Variants in ADGRD1 observed in about 807,000 individuals in gnomAD.
The protein encoded by ADGRD1 is adhesion G protein-coupled receptor D1.
Under a neutral mutation model 113.4 loss-of-function variants are expected in ADGRD1, and 77 were observed. The ratio of observed to expected loss-of-function variants is 0.68; its 90% CI spans 0.57 to 0.82. ADGRD1 has a LOEUF of 0.82. ADGRD1 is among the 40% of genes least tolerant of loss of function. The probability of loss-of-function intolerance (pLI) is 0.00; values close to 1 mark genes in which losing one functional copy is unlikely to be tolerated. For synonymous variants in ADGRD1, 474 were observed against 475.0 expected (o/e 1.00, Z 0.03); for missense variants, 1,036 against 1,139.1 (o/e 0.91, Z 1.30).
At chr12:131,056,398 C>T (rs1883865469) in intron 13 of ADGRD1, among the ~76,000 whole-genome samples, 1 of 152,216 alleles carries the variant, frequency 6.6e-6, no homozygotes, top group Non-Finnish European at 1.5e-5. Flanking sequence ...TCTCCTAAAG[C>T]TCAGGTCTAG....
chr12:130,962,952 A>G (rs889515078), intron 2 of ADGRD1: 3 of 152,214 alleles, frequency 2.0e-5, no homozygotes, highest in Admixed American at 1.3e-4. Flanking sequence ...AAATGATGGT[A>G]TGTTCATAAC....
In ADGRD1 at chr12:131,104,890, C is replaced by A; in HGVS notation, c.1731C>A (p.Ser577=). 6.4e-7 allele frequency: 1 copy of A among 1,551,566 alleles called. No individual in the cohort carries two copies. The highest frequency in any genetic ancestry group is 8.7e-7 in the Non-Finnish European group (1 of 1,147,254). ...SSISYVGCSL[S]VLCLVATLVT... ...TCAGCTATGTGGGCTGCTCCCTCTC[C>A]GTGCTCTGCCTGGTGGCCACGCTGG... Residue 577 remains serine (S), a synonymous_variant, in exon 16 of 25, where the codon TCC becomes TCA. Transcript: ENST00000261654.
At chr12:130,996,843 C>A in intron 8 of ADGRD1, among the ~76,000 whole-genome samples, 1 of 120,722 alleles carries the variant, frequency 8.3e-6, no homozygotes, top group Non-Finnish European at 1.8e-5. Context: ...GCTGACCCCC[C>A]CACCTCCCTC....
chr12:131,004,570 T>C (rs1298228823), intron 11 of ADGRD1, among the ~76,000 whole-genome samples: 2 of 144,724 alleles, frequency 1.4e-5, no homozygotes, highest in African/African-American at 5.1e-5. Context: ...TGAACTGGAA[T>C]TTGGGGTGGG....
intron 18 of ADGRD1, among the ~76,000 whole-genome samples, chr12:131,114,638 G>A (rs369047987): frequency 2.0e-5 from 3 of 152,152 alleles, no homozygotes; most frequent in East Asian, 1.9e-4. Flanking sequence ...AGAGCATGGT[G>A]GGGGGAGCCC....
intron 6 of ADGRD1, chr12:130,989,397 C>T (rs1874091742): frequency 6.6e-6 from 1 of 152,214 alleles, no homozygotes; most frequent in Non-Finnish European, 1.5e-5. Flanking sequence ...AATCCCATTG[C>T]ACCTGGTGAC....
At chr12:131,132,388 C>T (rs926820284) in intron 21 of ADGRD1, among the ~76,000 whole-genome samples, 1 of 152,198 alleles carries the variant, frequency 6.6e-6, no homozygotes, top group African/African-American at 2.4e-5. Flanking sequence ...ACCTGCATCT[C>T]TTACGGCCCA....
intron 8 of ADGRD1, among the ~76,000 whole-genome samples, chr12:130,996,843 C>G (rs1593321272): frequency 8.3e-6 from 1 of 120,726 alleles, no homozygotes. Flanking sequence ...GCTGACCCCC[C>G]CACCTCCCTC....
chr12:131,038,604 C>T lies in ADGRD1; in HGVS notation c.1473+24264C>T, dbSNP rs1362923319. 3.3e-5 allele frequency among the ~76,000 whole-genome samples: 5 copies of T among 152,338 alleles called. No homozygotes were observed. The East Asian group carries it at 9.6e-4, about 29-fold the overall frequency. On this transcript the variant is annotated intron_variant, in intron 13 of 24. Coordinates refer to ENST00000261654, the MANE Select transcript of ADGRD1 (RefSeq NM_198827.5). ...GGGGCTCAGCCACTGGAGTGGCCCA[C>T]AGTGTGGGGTAGGTGGACACTCATC...
At chr12:131,049,492 CTA>C (rs764772128) in intron 13 of ADGRD1, among the ~76,000 whole-genome samples, 2 of 152,236 alleles carry the variant, frequency 1.3e-5, no homozygotes, top group Non-Finnish European at 2.9e-5. Flanking sequence ...AGAGTGTTGA[CTA>C]TGTCACTTCC....
rs114979115 is a variant in ADGRD1, at chr12:131,029,855, G to A, written c.1473+15515G>A. On this transcript the variant is annotated intron_variant, in intron 13 of 24. Coordinates refer to ENST00000261654, the MANE Select transcript of ADGRD1 (RefSeq NM_198827.5). Reference sequence around the variant, plus strand: ...TCTGGGATTAGGTTGCGGACCCCTCGTTCGGTGACATTCCCAGGCTCTGGG... The same window carrying A: ...TCTGGGATTAGGTTGCGGACCCCTCATTCGGTGACATTCCCAGGCTCTGGG... Among the ~76,000 whole-genome samples, 64 of 27,052 alleles carry A rather than the reference G, an allele frequency of 2.4e-3. 10 individuals carry two copies. Among genetic ancestry groups the A allele is most frequent in the African/African-American group, 5.0e-3 (39 of 7,846 alleles). The allele number at this position is 27,052 out of a possible 152,430, so 17.7% of individuals were successfully genotyped here. A position where few individuals can be genotyped will look rare whatever the true frequency, so the allele number is the denominator to read the frequency against.
chr12:131,014,483 CCTT>C (rs1350529073), intron 13 of ADGRD1, 143 bp downstream of exon 13: 1 of 758,968 alleles, frequency 1.3e-6, no homozygotes, highest in African/African-American at 1.8e-5. Context: ...CCCTGGAGCT[CCTT>C]CTCTTGGGCC....
intron 8 of ADGRD1, among the ~76,000 whole-genome samples, chr12:130,999,883 GAATAA>G (rs1321281754): frequency 6.6e-6 from 1 of 152,200 alleles, no homozygotes; most frequent in Non-Finnish European, 1.5e-5. Context: ...TGTTTCCTTA[GAATAA>G]TAGTGAGCCG....
intron 13 of ADGRD1, among the ~76,000 whole-genome samples, chr12:131,051,324 G>GT (rs781127200): frequency 9.2e-5 from 14 of 152,178 alleles, no homozygotes; most frequent in Non-Finnish European, 1.9e-4. Flanking sequence ...CTTTTCTGCT[G>GT]TTTGATTTGA....
intron 15 of ADGRD1, among the ~76,000 whole-genome samples, chr12:131,095,452 G>A (rs1297281218): frequency 6.6e-6 from 1 of 152,224 alleles, no homozygotes; most frequent in African/African-American, 2.4e-5. Flanking sequence ...GGAGTGTGCT[G>A]GGCTGGAGCC....
chr12:131,031,765 A>G (rs1880782375), intron 13 of ADGRD1, among the ~76,000 whole-genome samples: 1 of 151,402 alleles, frequency 6.6e-6, no homozygotes, highest in South Asian at 2.1e-4. Flanking sequence ...TCTCCCCAAA[A>G]CCTCAGGAAG....
rs865910945 is a variant in ADGRD1 at position 131,025,336 on chromosome 12, C to T, written c.1473+10996C>T. 1.2e-4 allele frequency among the ~76,000 whole-genome samples: 19 copies of T among 152,120 alleles called. No individual in the cohort carries two copies. The South Asian group carries it at 1.7e-3, about 13-fold the overall frequency. ...TATATTTCTGAGGATGTTGCGGGGG[C>T]CTGCTCTTCTAAGTTAAAGTGATTT... On this transcript the variant is annotated intron_variant, in intron 13 of 24. Coordinates refer to ENST00000261654, the MANE Select transcript of ADGRD1 (RefSeq NM_198827.5).
At chr12:130,999,692 C>T (rs922761904) in intron 8 of ADGRD1, among the ~76,000 whole-genome samples, 13 of 152,004 alleles carry the variant, frequency 8.6e-5, no homozygotes, top group African/African-American at 4.8e-5. Flanking sequence ...GTGGGGATGG[C>T]GGGGTCTGGA....
chr12:131,086,576 G>A (rs1004976354), intron 15 of ADGRD1, among the ~76,000 whole-genome samples: 24 of 152,228 alleles, frequency 1.6e-4, no homozygotes, highest in African/African-American at 5.3e-4. Context: ...GAAGTGACTT[G>A]TAATGCTGCT....
Sources: gnomAD v4.1 joint callset for allele counts (sites outside exome capture counted in the v4.1 genomes callset) on GRCh38, gnomAD v4.1.1 for gene constraint, MANE v1.5 for transcripts, NCBI Gene and HGNC (gene_info 2026-07-23, HGNC 2026-07-21) for gene names.